The following LARP1 variants were observed in gnomAD, a reference collection of about 807,000 sequenced individuals.
The protein encoded by LARP1 is La ribonucleoprotein 1, translational regulator, also known as la-related protein 1.
Under a neutral mutation model 122.7 loss-of-function variants are expected in LARP1, and 36 were observed. The observed-to-expected ratio is 0.29, with a 90% CI of 0.22 to 0.39. LARP1 has a LOEUF of 0.39. LARP1 is among the 10% of genes least tolerant of loss of function. The probability of loss-of-function intolerance (pLI) is 1.00; values close to 1 mark genes in which losing one functional copy is unlikely to be tolerated. For synonymous variants in LARP1, 539 were observed against 528.7 expected, an observed-to-expected ratio of 1.02 and a Z score of -0.27; for missense variants, 1,040 against 1,403.6, an observed-to-expected ratio of 0.74 and a Z score of 4.14.
At chr5:154,704,417 T>C (rs983555784) in intron 1 of LARP1, among the ~76,000 whole-genome samples, 1 of 151,508 alleles carries the variant, frequency 6.6e-6, no homozygotes, top group Non-Finnish European at 1.5e-5. Context: ...GAGGCCAAGG[T>C]GGGTGGACCA....
chr5:154,793,666 C>T lies in LARP1; in HGVS notation c.811C>T (p.Arg271Cys), dbSNP rs745924187. 11 of 1,614,002 alleles carry T rather than the reference C, an allele frequency of 6.8e-6. No individual in the cohort carries two copies. Among genetic ancestry groups the T allele is most frequent in the African/African-American group, 1.3e-5 (1 of 74,906 alleles). Residue 271 changes from arginine (R) to cysteine (C), a missense_variant, in exon 5 of 19, where the codon CGC (arginine) becomes TGC (cysteine). By Grantham distance (180) the Arg-to-Cys change is radical. Coordinates refer to ENST00000518297, the MANE Select transcript of LARP1 (RefSeq NM_033551.3). Reference protein sequence around the residue: ...PEVPREKLASRPTRPPEPRHI... With the variant: ...PEVPREKLASCPTRPPEPRHI... ...AGTGCCCAGAGAGAAACTGGCTTCA[C>T]GCCCCACTCGCCCACCGGAGCCTAG...
In LARP1 at chr5:154,772,266, C is replaced by G. The variant is rs548214778; in HGVS notation, c.436+16073C>G. On this transcript the variant is annotated intron_variant, in intron 1 of 18. Coordinates refer to ENST00000518297, the MANE Select transcript of LARP1 (RefSeq NM_033551.3). ...ATGTAAAAATAATGAAATGTACATT[C>G]TTCTTACTAAGTTTTTGAAATTTGA... Among the ~76,000 whole-genome samples, 4 of 152,264 alleles carry G rather than the reference C, an allele frequency of 2.6e-5. No homozygotes were observed. The South Asian group carries it at 8.3e-4, about 32-fold the overall frequency.
intron 1 of LARP1, among the ~76,000 whole-genome samples, chr5:154,689,100 C>T (rs1020088550): frequency 6.6e-6 from 1 of 151,712 alleles, no homozygotes; most frequent in Non-Finnish European, 1.5e-5. Flanking sequence ...GGGTGGATCA[C>T]CTGAGGTCAG....
intron 3 of LARP1, chr5:154,791,918 A>G: frequency 2.2e-6 from 1 of 455,700 alleles, no homozygotes; most frequent in Non-Finnish European, 4.4e-6. Flanking sequence ...ACTCTGAGAT[A>G]GGTCCTTTTA....
chr5:154,806,608 C>T (rs1327492109), intron 15 of LARP1, among the ~76,000 whole-genome samples: 2 of 152,192 alleles, frequency 1.3e-5, no homozygotes, highest in East Asian at 1.9e-4. Flanking sequence ...GTGTAAGGAA[C>T]GAGCCTGTCT....
chr5:154,720,020 C>T (rs1007656046), intron 1 of LARP1, among the ~76,000 whole-genome samples: 8 of 151,358 alleles, frequency 5.3e-5, no homozygotes, highest in African/African-American at 1.2e-4. Context: ...GGTGAAACCC[C>T]GTCTCTACTA....
At chr5:154,813,084 C>T (rs1049608471) in intron 18 of LARP1, among the ~76,000 whole-genome samples, 7 of 50,884 alleles carry the variant, frequency 1.4e-4, no homozygotes, top group Admixed American at 3.1e-4. Context: ...TATGTGGTGA[C>T]GCAGACAGGA....
Position 154,794,109 on chromosome 5 carries a change from A to T in LARP1, c.1079A>T (p.Asp360Val). The change falls in exon 7 of 19, where the codon GAC (aspartate) becomes GTC (valine). Residue 360 changes from aspartate to valine, a missense_variant. Transcript: ENST00000518297. ...RGRGGTRTHF[D>V]YQFGYRKFDG... ...CCCGTTTCCCCCATAGCCCATTTTG[A>T]CTACCAGTTTGGCTACCGAAAGTTT... 6.2e-7 allele frequency: 1 copy of T among 1,614,128 alleles called. No homozygotes were observed. The highest frequency in any genetic ancestry group is 8.5e-7 in the Non-Finnish European group (1 of 1,180,002).
At chr5:154,772,214 A>G (rs1433673926) in intron 1 of LARP1, among the ~76,000 whole-genome samples, 1 of 151,500 alleles carries the variant, frequency 6.6e-6, no homozygotes, top group African/African-American at 2.4e-5. Context: ...TAATAATCTA[A>G]TATATTCAAA....
chr5:154,730,323 C>T (rs969607036), intron 1 of LARP1, among the ~76,000 whole-genome samples: 2 of 143,922 alleles, frequency 1.4e-5, no homozygotes, highest in Non-Finnish European at 3.0e-5. Flanking sequence ...CGAGTAGCTG[C>T]GATTACAGGG....
rs1758998689 is a variant in LARP1, at chr5:154,808,707, A to G, written c.2843+104A>G. On this transcript the variant is annotated intron_variant, in intron 16 of 18. Coordinates refer to ENST00000518297, the MANE Select transcript of LARP1 (RefSeq NM_033551.3). ...GTAGTTGGAAATTCCTTGCATGTGTATGTTCATTCATATACTTGATGAAAA... is the reference window on the plus strand; with the variant it reads ...GTAGTTGGAAATTCCTTGCATGTGTGTGTTCATTCATATACTTGATGAAAA... 3.4e-6 allele frequency: 4 copies of G among 1,165,300 alleles called. No homozygotes were observed. In the Admixed American group the frequency reaches 8.2e-5, roughly 24 times the overall value. The allele number at this position is 1,165,300 out of a possible 1,614,324, so 72.2% of individuals were successfully genotyped here.
At chr5:154,703,706 C>T (rs1280251306) in intron 1 of LARP1, among the ~76,000 whole-genome samples, 2 of 152,164 alleles carry the variant, frequency 1.3e-5, no homozygotes, top group South Asian at 2.1e-4. Context: ...CTGCAACCTC[C>T]GTGACCTGGG....
In LARP1 at chr5:154,816,444, G is replaced by A. The variant is rs1255064416; in HGVS notation, c.*2348G>A. On this transcript the variant is annotated 3_prime_UTR_variant, in exon 19 of 19. Transcript: ENST00000518297. ...TGCCATCTTCTTCACAGACATCCCT[G>A]AAAGGAAGCCCCTTTGGGGCAGGGA... is the stretch of plus-strand genomic sequence containing the variant. 6.5e-6 allele frequency: 1 copy of A among 152,698 alleles called. No homozygotes were observed. The highest frequency in any genetic ancestry group is 1.5e-5 in the Non-Finnish European group (1 of 68,072). 9.5% of individuals were successfully genotyped at this position (152,698 alleles called of 1,614,324 possible).
At chr5:154,687,740 T>C (rs527378989) in intron 1 of LARP1, among the ~76,000 whole-genome samples, 2 of 152,122 alleles carry the variant, frequency 1.3e-5, no homozygotes, top group Non-Finnish European at 2.9e-5. Context: ...AAGGCGAAGG[T>C]GGCAGGAAAG....
At chr5:154,736,250 C>T (rs1324831430) in intron 1 of LARP1, among the ~76,000 whole-genome samples, 1 of 151,866 alleles carries the variant, frequency 6.6e-6, no homozygotes, top group Non-Finnish European at 1.5e-5. Context: ...CGTGTGCCAC[C>T]ACACCTGGCT....
chr5:154,735,543 ATT>A (rs370062624), intron 1 of LARP1, among the ~76,000 whole-genome samples: 3 of 67,318 alleles, frequency 4.5e-5, no homozygotes, highest in Admixed American at 3.7e-4. Context: ...TTTTATTTTT[ATT>A]TTTATTTATT....
chr5:154,720,705 G>A (rs973423102), intron 1 of LARP1, among the ~76,000 whole-genome samples: 6 of 151,958 alleles, frequency 3.9e-5, no homozygotes, highest in African/African-American at 1.2e-4. Context: ...GAGAGAGACC[G>A]TGTCTTGGGA....
Position 154,809,059 on chromosome 5 carries a change from C to A in LARP1, c.2843+456C>A, listed in dbSNP as rs561696310. On this transcript the variant is annotated intron_variant, in intron 16 of 18. Coordinates refer to ENST00000518297, the MANE Select transcript of LARP1 (RefSeq NM_033551.3). Reference sequence around the variant, plus strand: ...TCTGTACATAATTAACTTTGTTGTTCTTTTTTTATGGGCTGTAACATGGTC... The same window carrying A: ...TCTGTACATAATTAACTTTGTTGTTATTTTTTTATGGGCTGTAACATGGTC... 5.9e-5 allele frequency among the ~76,000 whole-genome samples: 9 copies of A among 152,076 alleles called. No homozygotes were observed. The East Asian group carries it at 1.4e-3, about 23-fold the overall frequency.
At chr5:154,715,717 C>T (rs958223214) in intron 1 of LARP1, among the ~76,000 whole-genome samples, 10 of 152,008 alleles carry the variant, frequency 6.6e-5, no homozygotes, top group South Asian at 2.1e-4. Context: ...CCAGGGACAC[C>T]GAATGACCAA....
Sources: gnomAD v4.1 joint callset for allele counts (sites outside exome capture counted in the v4.1 genomes callset) on GRCh38, gnomAD v4.1.1 for gene constraint, MANE v1.5 for transcripts, NCBI Gene and HGNC (gene_info 2026-07-23, HGNC 2026-07-21) for gene names.